Variants in EML5 observed in about 807,000 individuals in gnomAD.
EML5 encodes the protein echinoderm microtubule-associated protein-like 5.
In EML5, 120 loss-of-function variants were observed where a neutral mutation model predicts 250.0. The observed-to-expected ratio is 0.48, with a 90% confidence interval of 0.41 to 0.56. The LOEUF (loss-of-function observed/expected upper bound fraction) is 0.56, where lower values mean the gene tolerates loss of function less well. EML5 is among the 20% of genes least tolerant of loss of function. The pLI is 0.00. For synonymous variants in EML5, 771 were observed against 806.5 expected, an observed-to-expected ratio of 0.96 and a Z score of 0.75; for missense variants, 2,006 against 2,437.6, an observed-to-expected ratio of 0.82 and a Z score of 3.73.
In EML5 at chr14:88,740,579, G is replaced by T. The variant is rs756587756; in HGVS notation, c.526-7C>A. ...TTCCACATAAACTCCAGAACTAAAA[G>T]GTATATAGTATAATCAAATTACCAA... On this transcript the variant is annotated splice_region_variant and splice_polypyrimidine_tract_variant and intron_variant, in intron 4 of 43. Coordinates refer to ENST00000554922, the MANE Select transcript of EML5 (RefSeq NM_183387.3). The T allele has an allele frequency of 4.4e-6, 7 of 1,577,980 alleles. No homozygotes were observed. The highest frequency in any genetic ancestry group is 6.0e-6 in the Non-Finnish European group (7 of 1,164,276).
chr14:88,662,982 G>A (rs1178227370), intron 24 of EML5, 49 bp downstream of exon 24: 3 of 1,380,126 alleles, frequency 2.2e-6, no homozygotes, highest in East Asian at 2.5e-5. Flanking sequence ...CAGTTTTCTA[G>A]CCACTTTTAT....
intron 27 of EML5, among the ~76,000 whole-genome samples, chr14:88,650,594 T>G (rs996923587): frequency 2.0e-5 from 3 of 152,232 alleles, no homozygotes; most frequent in Admixed American, 2.0e-4. Flanking sequence ...TTTTTCCTTT[T>G]AAGTGGATAT....
At chr14:88,640,302 G>T (rs986550668) in intron 31 of EML5, among the ~76,000 whole-genome samples, 3 of 152,106 alleles carry the variant, frequency 2.0e-5, no homozygotes, top group African/African-American at 7.2e-5. Context: ...CACATGTTCA[G>T]CCATAAAGCA....
At chr14:88,636,673 A>G (rs1362763128) in intron 32 of EML5, among the ~76,000 whole-genome samples, 1 of 152,152 alleles carries the variant, frequency 6.6e-6, no homozygotes, top group East Asian at 1.9e-4. Flanking sequence ...ACAAAGAAAC[A>G]AATAAAAGAT....
intron 27 of EML5, among the ~76,000 whole-genome samples, chr14:88,657,136 A>C (rs1209641154): frequency 3.3e-5 from 5 of 152,066 alleles, no homozygotes; most frequent in Non-Finnish European, 7.4e-5. Context: ...TGGGGCTACA[A>C]ACACACACCA....
intron 7 of EML5, among the ~76,000 whole-genome samples, chr14:88,735,694 A>G (rs2093828467): frequency 6.6e-6 from 1 of 152,214 alleles, no homozygotes; most frequent in African/African-American, 2.4e-5. Context: ...TCATACATGT[A>G]CAAAATGACA....
intron 1 of EML5, among the ~76,000 whole-genome samples, chr14:88,782,412 C>A (rs1230313174): frequency 6.6e-6 from 1 of 152,192 alleles, no homozygotes; most frequent in Non-Finnish European, 1.5e-5. Context: ...GGGAGAAATT[C>A]AAGCCTGCTA....
chr14:88,738,953 C>A lies in EML5; in HGVS notation c.773G>T (p.Cys258Phe). 1 of 1,607,630 alleles carries A rather than the reference C, an allele frequency of 6.2e-7. No individual in the cohort carries two copies. The highest frequency in any genetic ancestry group is 8.5e-7 in the Non-Finnish European group (1 of 1,177,158). The change falls in exon 6 of 44, where the codon TGT (cysteine) becomes TTT (phenylalanine). Residue 258 changes from cysteine to phenylalanine, a missense_variant. Around this residue, in one of 7 missense-constraint regions of EML5, gnomAD observed 1,375 missense variants for 1,590.3 expected, o/e 0.86. Coordinates refer to ENST00000554922, the MANE Select transcript of EML5 (RefSeq NM_183387.3). The part of the protein sequence containing the change: ...EGFATGGRDG[C>F]IRLWDLTFKP... ...AAAAGTTAAATCCCAAAGACGAATA[C>A]AACCATCTCTGCCACCAGTAGCAAA...
intron 33 of EML5, among the ~76,000 whole-genome samples, chr14:88,631,362 T>A (rs2090428798): frequency 6.6e-6 from 1 of 152,198 alleles, no homozygotes; most frequent in Non-Finnish European, 1.5e-5. Context: ...TACAGGCACA[T>A]GCCACCACAC....
At chr14:88,677,376 T>C (rs1243302554) in intron 21 of EML5, among the ~76,000 whole-genome samples, 2 of 152,060 alleles carry the variant, frequency 1.3e-5, no homozygotes, top group African/African-American at 4.8e-5. Flanking sequence ...GCAATACCAT[T>C]CAGGACACAG....
At position 88,657,425 on chromosome 14, in the gene EML5, A is replaced by T; in HGVS notation, c.3955T>A (p.Leu1319Ile). The T allele has an allele frequency of 6.3e-7, 1 of 1,598,774 alleles. No individual in the cohort carries two copies. Among genetic ancestry groups the T allele is most frequent in the Non-Finnish European group, 8.5e-7 (1 of 1,171,364 alleles). ...TGTTGTAAATGAGGCTTGATTCCTAACATTGGGCGAATATTTGTTGATAAG... is the reference window on the plus strand; with the variant it reads ...TGTTGTAAATGAGGCTTGATTCCTATCATTGGGCGAATATTTGTTGATAAG... ...RALSTNIRPM[L>I]GIKPHLQQKE... The change falls in exon 27 of 44, where the codon TTA (leucine) becomes ATA (isoleucine). Residue 1319 changes from leucine (L) to isoleucine (I), a missense_variant. Leu to Ile is a conservative substitution (Grantham distance 5). Transcript: ENST00000554922.
At chr14:88,732,114 G>C (rs1181849937) in intron 7 of EML5, among the ~76,000 whole-genome samples, 3 of 152,020 alleles carry the variant, frequency 2.0e-5, no homozygotes, top group African/African-American at 7.2e-5. Context: ...CATTGCTTTT[G>C]GTGTTTTAGA....
At chr14:88,788,822 C>T (rs892897428) in intron 1 of EML5, among the ~76,000 whole-genome samples, 3 of 150,994 alleles carry the variant, frequency 2.0e-5, no homozygotes, top group African/African-American at 4.9e-5. Context: ...CTTTGGGAGG[C>T]GGAAGTGGGA....
intron 2 of EML5, among the ~76,000 whole-genome samples, chr14:88,753,347 C>G (rs975064478): frequency 2.0e-5 from 3 of 152,158 alleles, no homozygotes; most frequent in Admixed American, 2.0e-4. Flanking sequence ...ATCACATTAA[C>G]CTATGCTACT....
At chr14:88,768,010 T>G (rs912222364) in intron 1 of EML5, among the ~76,000 whole-genome samples, 3 of 152,168 alleles carry the variant, frequency 2.0e-5, no homozygotes, top group African/African-American at 7.2e-5. Flanking sequence ...TCTTAGACTT[T>G]CCTTTCCTTT....
intron 37 of EML5, 58 bp from the exon 38 acceptor site, chr14:88,621,359 C>A: frequency 1.3e-6 from 2 of 1,598,758 alleles, no homozygotes; most frequent in South Asian, 2.2e-5. Context: ...TTTTCTTCTT[C>A]ATAATATAAA....
At chr14:88,618,870 A>AG (rs2088271457) in intron 39 of EML5, 58 bp from the exon 40 acceptor site, 1 of 1,475,810 alleles carries the variant, frequency 6.8e-7, no homozygotes. Flanking sequence ...TAAATACTTA[A>AG]GATCAGTGAC....
chr14:88,739,371 C>A (rs2093891450), intron 5 of EML5, among the ~76,000 whole-genome samples: 1 of 152,092 alleles, frequency 6.6e-6, no homozygotes, highest in South Asian at 2.1e-4. Flanking sequence ...CAGGGCAAGA[C>A]TTGAGTATGT....
intron 36 of EML5, chr14:88,624,434 C>CT (rs2089602199): frequency 6.5e-6 from 1 of 152,688 alleles, no homozygotes; most frequent in African/African-American, 2.4e-5. Context: ...TCATAAGTAT[C>CT]TGGTTACTGT....
Sources: gnomAD v4.1 joint callset for allele counts (sites outside exome capture counted in the v4.1 genomes callset) on GRCh38, gnomAD v4.1.1 for gene constraint, gnomAD v4.1.1 regional missense constraint, MANE v1.5 for transcripts, NCBI Gene and HGNC (gene_info 2026-07-23, HGNC 2026-07-21) for gene names.